SLC4A4: variants seen among roughly 807,000 people sequenced by gnomAD.
The protein encoded by SLC4A4 is electrogenic sodium bicarbonate cotransporter 1.
Under a neutral mutation model 111.5 loss-of-function variants are expected in SLC4A4, and 27 were observed. That is an observed-to-expected ratio of 0.24 (90% confidence interval 0.18 to 0.33). The LOEUF (loss-of-function observed/expected upper bound fraction) is 0.33. SLC4A4 is among the 10% of genes least tolerant of loss of function. SLC4A4 has a pLI of 1.00. For missense variants in SLC4A4, 909 were observed against 1,315.5 expected (o/e 0.69, Z 4.78); for synonymous variants, 443 against 463.4 (o/e 0.96, Z 0.57).
At position 71,268,054 on chromosome 4, in the gene SLC4A4, CA is replaced by C. The variant is rs1161873412; in HGVS notation, c.253+12656del. Among the ~76,000 whole-genome samples, 15 of 139,274 alleles carry C rather than the reference CA, an allele frequency of 1.1e-4. No homozygotes were observed. The Admixed American group carries it at 1.1e-3, about 11-fold the overall frequency. The allele number at this position is 139,274 out of a possible 152,430, so 91.4% of individuals were successfully genotyped here. A position where few individuals can be genotyped will look rare whatever the true frequency, so the allele number is the denominator to read the frequency against. On this transcript the variant is annotated intron_variant, in intron 3 of 25. Transcript: ENST00000264485. ...CTGCAAATATTTATTCCTATGATAT[CA>C]GTGTGCCAAATAAAGTAGTGTTTTT... is the stretch of plus-strand genomic sequence containing the variant.
intron 3 of SLC4A4, among the ~76,000 whole-genome samples, chr4:71,333,693 A>T (rs12644090): frequency 0.078 from 11,806 of 152,016 alleles, 816 homozygotes; most frequent in Admixed American, 0.22. Context: ...TTAGGAATCT[A>T]TTTGGTACTC....
intron 15 of SLC4A4, among the ~76,000 whole-genome samples, chr4:71,494,193 C>T (rs4645189): frequency 0.72 from 109,586 of 151,962 alleles, 40,598 homozygotes; most frequent in Non-Finnish European, 0.82. Flanking sequence ...CAACAGTGAA[C>T]ATTGAGGAAG....
At chr4:71,172,743 C>G (rs1744979208) in intron 2 of SLC4A4, among the ~76,000 whole-genome samples, 1 of 152,184 alleles carries the variant, frequency 6.6e-6, no homozygotes, top group Non-Finnish European at 1.5e-5. Context: ...ATGAAGATTA[C>G]TAGCATCAGG....
chr4:71,071,596 T>G (rs926198986), intron 1 of SLC4A4, among the ~76,000 whole-genome samples: 2 of 152,186 alleles, frequency 1.3e-5, no homozygotes, highest in Non-Finnish European at 2.9e-5. Context: ...AGGCAATCAT[T>G]GCTACTAGCG....
intron 1 of SLC4A4, among the ~76,000 whole-genome samples, chr4:71,232,425 T>C (rs1380826011): frequency 6.6e-6 from 1 of 152,192 alleles, no homozygotes; most frequent in Non-Finnish European, 1.5e-5. Context: ...TTCTTTTTTC[T>C]TTTAGAGATG....
chr4:71,213,015 A>G (rs1233604512), intron 1 of SLC4A4, among the ~76,000 whole-genome samples: 1 of 152,210 alleles, frequency 6.6e-6, no homozygotes, highest in Non-Finnish European at 1.5e-5. Context: ...CAGTACAGTC[A>G]TGTGCTGTAT....
At chr4:71,410,117 C>T (rs1422368370) in intron 7 of SLC4A4, among the ~76,000 whole-genome samples, 1 of 152,216 alleles carries the variant, frequency 6.6e-6, no homozygotes, top group Non-Finnish European at 1.5e-5. Flanking sequence ...TGGAGAACCT[C>T]TGTTAGGTCA....
rs769685200 is a variant in SLC4A4, at chr4:71,532,093, T to C, written c.2198T>C (p.Ile733Thr). The C allele has an allele frequency of 6.2e-7, 1 of 1,613,070 alleles. No homozygotes were observed. Among genetic ancestry groups the C allele is most frequent in the Non-Finnish European group, 8.5e-7 (1 of 1,179,276 alleles). ...ARKLISDFAI[I>T]LSILIFCVID... ...AAACTGATCAGTGATTTTGCCATTATCTTGTCCATTCTCATCTTTTGTGTA... is the reference window on the plus strand; with the variant it reads ...AAACTGATCAGTGATTTTGCCATTACCTTGTCCATTCTCATCTTTTGTGTA... The change falls in exon 17 of 26, where the codon ATC becomes ACC. Residue 733 changes from isoleucine to threonine, a missense_variant. Physicochemically the swap from Ile to Thr is moderately conservative, Grantham distance 89. This residue lies in a region of SLC4A4 where 264 missense variants were observed against 356.8 expected (regional missense o/e 0.74). Transcript: ENST00000264485.
chr4:71,480,304 C>T (rs1278507965), intron 14 of SLC4A4, among the ~76,000 whole-genome samples: 2 of 150,982 alleles, frequency 1.3e-5, no homozygotes, highest in African/African-American at 4.9e-5. Context: ...TTGAACTTGC[C>T]TAGTTGTGGT....
At chr4:71,420,911 G>A (rs1476545111) in intron 7 of SLC4A4, among the ~76,000 whole-genome samples, 2 of 150,026 alleles carry the variant, frequency 1.3e-5, no homozygotes, top group Non-Finnish European at 3.0e-5. Context: ...TTGAGACTAG[G>A]AAGAAACTGC....
chr4:71,170,783 TA>T (rs1213504743), intron 2 of SLC4A4, among the ~76,000 whole-genome samples: 1 of 152,202 alleles, frequency 6.6e-6, no homozygotes, highest in African/African-American at 2.4e-5. Flanking sequence ...TGGCATAGTC[TA>T]AATGCTATCA....
intron 2 of SLC4A4, among the ~76,000 whole-genome samples, chr4:71,109,344 G>A (rs1218848044): frequency 6.6e-6 from 1 of 151,984 alleles, no homozygotes; most frequent in Non-Finnish European, 1.5e-5. Context: ...GAAAAACGAA[G>A]GGGGGAAAAT....
At chr4:71,063,683 C>G (rs1368999983) in intron 1 of SLC4A4, among the ~76,000 whole-genome samples, 1 of 151,930 alleles carries the variant, frequency 6.6e-6, no homozygotes, top group African/African-American at 2.4e-5. Context: ...TTGTTTCATA[C>G]CTGTTCCAAA....
intron 3 of SLC4A4, among the ~76,000 whole-genome samples, chr4:71,313,560 A>T (rs1216492515): frequency 6.6e-6 from 1 of 152,136 alleles, no homozygotes; most frequent in Non-Finnish European, 1.5e-5. Context: ...CATGTTACTG[A>T]TACCAAAACA....
intron 3 of SLC4A4, among the ~76,000 whole-genome samples, chr4:71,262,357 T>A (rs1210677488): frequency 6.6e-6 from 1 of 152,178 alleles, no homozygotes; most frequent in Non-Finnish European, 1.5e-5. Flanking sequence ...TTCTGCGGAA[T>A]TCTTCCATGA....
chr4:71,432,982 C>T (rs1723779723), intron 7 of SLC4A4, among the ~76,000 whole-genome samples: 1 of 152,036 alleles, frequency 6.6e-6, no homozygotes, highest in Admixed American at 6.6e-5. Context: ...TATCAGAAGT[C>T]TGTGTCTTTT....
chr4:71,480,144 C>G (rs924400455), intron 14 of SLC4A4, among the ~76,000 whole-genome samples: 1 of 151,176 alleles, frequency 6.6e-6, no homozygotes, highest in African/African-American at 2.4e-5. Flanking sequence ...ACCTCAGCCT[C>G]CTGAGTAGCT....
At chr4:71,528,650 G>T (rs1733624890) in intron 16 of SLC4A4, among the ~76,000 whole-genome samples, 1 of 151,898 alleles carries the variant, frequency 6.6e-6, no homozygotes, top group South Asian at 2.1e-4. Flanking sequence ...TATGTGCAAA[G>T]ATTTTTTTTA....
chr4:71,264,964 CG>C (rs1274334867), intron 3 of SLC4A4, among the ~76,000 whole-genome samples: 1 of 152,096 alleles, frequency 6.6e-6, no homozygotes, highest in African/African-American at 2.4e-5. Context: ...AAAAGTGTGG[CG>C]GAAAGTTTTG....
Sources: gnomAD v4.1 joint callset for allele counts (sites outside exome capture counted in the v4.1 genomes callset) on GRCh38, gnomAD v4.1.1 for gene constraint, gnomAD v4.1.1 regional missense constraint, MANE v1.5 for transcripts, NCBI Gene and HGNC (gene_info 2026-07-23, HGNC 2026-07-21) for gene names.